KCNQ1: variants seen among roughly 807,000 people sequenced by gnomAD.
KCNQ1 encodes potassium voltage-gated channel subfamily KQT member 1.
KCNQ1 carries 49 observed loss-of-function variants against 72.4 expected under a neutral mutation model. The ratio of observed to expected loss-of-function variants is 0.68; its 90% CI spans 0.54 to 0.86. The LOEUF is 0.86. Ranked by LOEUF, KCNQ1 falls within the 40% of genes least tolerant of loss-of-function variation. The probability of loss-of-function intolerance (pLI) is 0.00; values close to 1 mark genes in which losing one functional copy is unlikely to be tolerated. For synonymous variants in KCNQ1, 450 were observed against 412.6 expected, an observed-to-expected ratio of 1.09 and a Z score of -1.10; for missense variants, 790 against 945.1, an observed-to-expected ratio of 0.84 and a Z score of 2.15.
In KCNQ1 at chr11:2,659,548, A is replaced by C; in HGVS notation, c.1394-2413A>C. 1 of 398,572 alleles carries C rather than the reference A, an allele frequency of 2.5e-6. No homozygotes were observed. The highest frequency in any genetic ancestry group is 4.4e-6 in the Non-Finnish European group (1 of 226,028). 24.7% of individuals were successfully genotyped at this position (398,572 alleles called of 1,614,324 possible). On this transcript the variant is annotated intron_variant, in intron 10 of 15. Transcript: ENST00000155840. This position sits in a 1 kb window ranked among gnomAD's most constrained non-coding sequence, Gnocchi z 4.3. ...TTGTTTCCAGTATTTGGTAATTATG[A>C]GCAGAGTTACTATACACATTTATGT...
rs75586022 is a variant in KCNQ1, at chr11:2,562,586, C to T, written c.478-8042C>T. Reference sequence around the variant, plus strand: ...CTATGGGAGGGGGTGAGACCCTAATCCCGGGTCCCCACAGCACCCTCAGCC... The same window carrying T: ...CTATGGGAGGGGGTGAGACCCTAATTCCGGGTCCCCACAGCACCCTCAGCC... On this transcript the variant is annotated intron_variant, in intron 2 of 15. Coordinates refer to ENST00000155840, the MANE Select transcript of KCNQ1 (RefSeq NM_000218.3). This position sits in a 1 kb window ranked among gnomAD's most constrained non-coding sequence, Gnocchi z 7.5. Among the ~76,000 whole-genome samples the T allele has an allele frequency of 9.5e-3, 1,448 of 152,266 alleles. 4 individuals are homozygous for T. Among genetic ancestry groups the T allele is most frequent in the Non-Finnish European group, 0.016 (1,106 of 67,998 alleles).
At chr11:2,585,890 C>G (rs1468269209) in intron 8 of KCNQ1, among the ~76,000 whole-genome samples, 1 of 152,230 alleles carries the variant, frequency 6.6e-6, no homozygotes, top group Admixed American at 6.5e-5. Context: ...CAGGCAGTAC[C>G]AAGCTCTGGG....
Position 2,735,560 on chromosome 11 carries a change from C to T in KCNQ1, c.1515-33284C>T, listed in dbSNP as rs910578014. On this transcript the variant is annotated intron_variant, in intron 11 of 15. Transcript: ENST00000155840. This position sits in a 1 kb window ranked among gnomAD's most constrained non-coding sequence, Gnocchi z 7.7. The stretch of plus-strand genomic sequence containing the variant: ...GGGCCTGGCCCACCACCCTCTCCCT[C>T]CTCACCATTTTCTGTTGAGCACACT... 2.0e-5 allele frequency among the ~76,000 whole-genome samples: 3 copies of T among 152,178 alleles called. No homozygotes were observed. The highest frequency in any genetic ancestry group is 7.2e-5 in the African/African-American group (3 of 41,434).
chr11:2,797,146 G>A (rs1428284733), intron 15 of KCNQ1, among the ~76,000 whole-genome samples: 2 of 148,298 alleles, frequency 1.3e-5, no homozygotes, highest in South Asian at 2.2e-4. Flanking sequence ...GATGCCGGCC[G>A]CTCCGGGCAG....
intron 10 of KCNQ1, chr11:2,629,703 T>A (rs1436010851): frequency 2.5e-6 from 1 of 398,394 alleles, no homozygotes; most frequent in Non-Finnish European, 4.4e-6. Context: ...TGAAATTGTT[T>A]TCTTAATTTG....
At chr11:2,837,733 GGA>G (rs1848104812) in intron 15 of KCNQ1, among the ~76,000 whole-genome samples, 1 of 152,242 alleles carries the variant, frequency 6.6e-6, no homozygotes, top group South Asian at 2.1e-4. Flanking sequence ...TGGAGGCTAA[GGA>G]GAGGGGTGGA....
intron 1 of KCNQ1, among the ~76,000 whole-genome samples, chr11:2,461,189 G>A (rs776193188): frequency 5.4e-4 from 83 of 152,332 alleles, no homozygotes; most frequent in Non-Finnish European, 9.4e-4. Flanking sequence ...TGATGGGTCA[G>A]GTGTGATCAG....
rs544601919 is a variant in KCNQ1, at chr11:2,586,099, G to A, written c.1128+792G>A. On this transcript the variant is annotated intron_variant, in intron 8 of 15. Transcript: ENST00000155840. ...GTGCCCAGAGGGTGGGCGTTGCCGG[G>A]TTGAATGACAAGTGCCCACTGGGGA... 5.9e-5 allele frequency among the ~76,000 whole-genome samples: 9 copies of A among 152,352 alleles called. No individual in the cohort carries two copies. In the South Asian group the frequency reaches 1.9e-3, roughly 32 times the overall value.
intron 1 of KCNQ1, among the ~76,000 whole-genome samples, chr11:2,510,156 G>A (rs1847175098): frequency 6.6e-6 from 1 of 151,962 alleles, no homozygotes; most frequent in Non-Finnish European, 1.5e-5. Flanking sequence ...GCACATACCT[G>A]TGGTCCCAAC....
At chr11:2,614,788 T>C in intron 10 of KCNQ1, 1 of 398,522 alleles carries the variant, frequency 2.5e-6, no homozygotes, top group Non-Finnish European at 4.4e-6. Context: ...TTGTTTTGAT[T>C]ACTGCAGCTT....
At chr11:2,761,555 C>T (rs1846396386) in intron 11 of KCNQ1, among the ~76,000 whole-genome samples, 1 of 152,202 alleles carries the variant, frequency 6.6e-6, no homozygotes, top group Non-Finnish European at 1.5e-5. Flanking sequence ...GCCAGGGACC[C>T]GCCCTTCTCC....
chr11:2,828,326 A>G lies in KCNQ1; in HGVS notation c.1795-19441A>G, dbSNP rs1054376399. Among the ~76,000 whole-genome samples, 15 of 152,240 alleles carry G rather than the reference A, an allele frequency of 9.9e-5. No homozygotes were observed. The highest frequency in any genetic ancestry group is 3.4e-4 in the African/African-American group (14 of 41,464). On this transcript the variant is annotated intron_variant, in intron 15 of 15. Transcript: ENST00000155840. The surrounding 1 kb of genome is among the most constrained non-coding windows in gnomAD (Gnocchi z 5.3). ...CTGGTTAAACGTGATGGGTAAACAC[A>G]TGTCTATTTCAGCTTCTTTGAATCC... is the stretch of plus-strand genomic sequence containing the variant.
chr11:2,797,140 C>G (rs1847152761), intron 15 of KCNQ1, among the ~76,000 whole-genome samples: 1 of 150,172 alleles, frequency 6.7e-6, no homozygotes, highest in South Asian at 2.1e-4. Context: ...AGCCTCGATG[C>G]CGGCCGCTCC....
At chr11:2,721,433 C>G (rs1590052437) in intron 11 of KCNQ1, among the ~76,000 whole-genome samples, 1 of 152,370 alleles carries the variant, frequency 6.6e-6, no homozygotes, top group East Asian at 1.9e-4. Flanking sequence ...CCTCAGAGGG[C>G]TGGCAGATCA....
In KCNQ1 at chr11:2,830,584, C is replaced by G. The variant is rs966611493; in HGVS notation, c.1795-17183C>G. Among the ~76,000 whole-genome samples, 3 of 152,116 alleles carry G rather than the reference C, an allele frequency of 2.0e-5. No homozygotes were observed. The highest frequency in any genetic ancestry group is 2.4e-5 in the African/African-American group (1 of 41,422). ...GAGCTGCAGGATGGGGCCTGAATCT[C>G]TCATCAACTCACAGGGTCAGCCTGG... On this transcript the variant is annotated intron_variant, in intron 15 of 15. Transcript: ENST00000155840. This position sits in a 1 kb window ranked among gnomAD's most constrained non-coding sequence, Gnocchi z 7.7.
chr11:2,846,578 C>T (rs1030849998), intron 15 of KCNQ1, among the ~76,000 whole-genome samples: 15 of 152,188 alleles, frequency 9.9e-5, no homozygotes, highest in African/African-American at 3.4e-4. Context: ...GGTCCCCAAC[C>T]TGGACTCCCT....
At chr11:2,771,954 G>C (rs977418740) in intron 12 of KCNQ1, among the ~76,000 whole-genome samples, 1 of 152,074 alleles carries the variant, frequency 6.6e-6, no homozygotes, top group South Asian at 2.1e-4. Context: ...CCACCCCACT[G>C]TCTGCTTCTC....
rs1846283194 is a variant in KCNQ1 at position 2,461,842 on chromosome 11, G to T, written c.386+16358G>T. The T allele has an allele frequency of 4.3e-6, 3 of 692,318 alleles. No homozygotes were observed. The Admixed American group carries it at 7.8e-5, about 18-fold the overall frequency. The allele number at this position is 692,318 out of a possible 1,614,324, so 42.9% of individuals were successfully genotyped here. A position where few individuals can be genotyped will look rare whatever the true frequency, so the allele number is the denominator to read the frequency against. On this transcript the variant is annotated intron_variant, in intron 1 of 15. Coordinates refer to ENST00000155840, the MANE Select transcript of KCNQ1 (RefSeq NM_000218.3). Reference sequence around the variant, plus strand: ...GCTGGATAGATGAAGTACTGGGTGGGTGGAGAGAGAAAGGGGTGGGTGGAC... The same window carrying T: ...GCTGGATAGATGAAGTACTGGGTGGTTGGAGAGAGAAAGGGGTGGGTGGAC...
rs1414471279 is a variant in KCNQ1, at chr11:2,515,080, C to T, written c.387-12848C>T. On this transcript the variant is annotated intron_variant, in intron 1 of 15. Coordinates refer to ENST00000155840, the MANE Select transcript of KCNQ1 (RefSeq NM_000218.3). This position sits in a 1 kb window ranked among gnomAD's most constrained non-coding sequence, Gnocchi z 4.7. ...GAGGAGTACACATACTTGTCTGTTA[C>T]GTGCGTAATGGTGGGGTTTGGGCTT... Among the ~76,000 whole-genome samples the T allele has an allele frequency of 1.3e-5, 2 of 152,156 alleles. No homozygotes were observed. Among genetic ancestry groups the T allele is most frequent in the Non-Finnish European group, 2.9e-5 (2 of 68,026 alleles).
Sources: gnomAD v4.1 joint callset for allele counts (sites outside exome capture counted in the v4.1 genomes callset) on GRCh38, gnomAD v4.1.1 for gene constraint, Gnocchi (gnomAD v3.1) non-coding constraint, MANE v1.5 for transcripts, NCBI Gene and HGNC (gene_info 2026-07-23, HGNC 2026-07-21) for gene names.